USP47: variants seen among roughly 807,000 people sequenced by gnomAD.
USP47 encodes ubiquitin specific peptidase 47.
Under a neutral mutation model 165.1 loss-of-function variants are expected in USP47, and 35 were observed. That is an observed-to-expected ratio of 0.21 (90% CI 0.16 to 0.28). The LOEUF is 0.28. Ranked by LOEUF, USP47 falls within the 10% of genes least tolerant of loss-of-function variation. USP47 has a pLI of 1.00. For synonymous variants in USP47, 531 were observed against 544.5 expected (o/e 0.98, Z 0.35); for missense variants, 1,277 against 1,607.4 (o/e 0.79, Z 3.52).
At chr11:11,894,271 C>T (rs1181735654) in intron 4 of USP47, among the ~76,000 whole-genome samples, 1 of 152,094 alleles carries the variant, frequency 6.6e-6, no homozygotes, top group Non-Finnish European at 1.5e-5. Flanking sequence ...GCCTGGCTAA[C>T]ATGGTGAAAC....
At chr11:11,954,991 C>G (rs1398743393) in intron 26 of USP47, 43 bp from the exon 27 acceptor site, 2 of 1,613,416 alleles carry the variant, frequency 1.2e-6, no homozygotes, top group African/African-American at 2.7e-5. Context: ...ATGATAAACA[C>G]AGCTAGTGGC....
At chr11:11,856,719 C>A (rs981400551) in intron 1 of USP47, 2 of 152,208 alleles carry the variant, frequency 1.3e-5, no homozygotes, top group African/African-American at 4.8e-5. Flanking sequence ...AACTTCTGAT[C>A]TGATTTTCAC....
intron 2 of USP47, among the ~76,000 whole-genome samples, chr11:11,881,309 C>T (rs951245368): frequency 6.6e-6 from 1 of 152,082 alleles, no homozygotes; most frequent in Non-Finnish European, 1.5e-5. Context: ...CAGCACTGTG[C>T]TACCTCTCCG....
At chr11:11,875,033 T>TTGTGTGTGTG (rs57342188) in intron 1 of USP47, among the ~76,000 whole-genome samples, 14 of 95,420 alleles carry the variant, frequency 1.5e-4, no homozygotes, top group South Asian at 6.9e-4. Flanking sequence ...AATTGACTTA[T>TTGTGTGTGTG]TGTGTGTGTG....
At chr11:11,877,799 CTCTCTCTGTGTGTGTGTGTG>C (rs1404937583) in intron 1 of USP47, among the ~76,000 whole-genome samples, 3 of 57,862 alleles carry the variant, frequency 5.2e-5, no homozygotes, top group Admixed American at 2.4e-4. Context: ...TTCTCTCTCT[CTCTCTCTGTGTGTGTGTGTG>C]TGTGTGTGTG....
Position 11,867,498 on chromosome 11 carries a change from G to A in USP47, c.40-12679G>A, listed in dbSNP as rs1475425300. Among the ~76,000 whole-genome samples, 4 of 152,034 alleles carry A rather than the reference G, an allele frequency of 2.6e-5. No individual in the cohort carries two copies. The East Asian group carries it at 7.7e-4, about 29-fold the overall frequency. On this transcript the variant is annotated intron_variant, in intron 1 of 27. Transcript: ENST00000527733. ...TTTTTTCAAATATTTTAAATGTGCT[G>A]TTAAATTTTGTGTTTTTAATTTCTA...
intron 1 of USP47, among the ~76,000 whole-genome samples, chr11:11,848,383 C>CT (rs1306505220): frequency 6.6e-6 from 1 of 152,134 alleles, no homozygotes; most frequent in South Asian, 2.1e-4. Flanking sequence ...CATCATAAGT[C>CT]TTTGTGTGTT....
intron 8 of USP47, among the ~76,000 whole-genome samples, chr11:11,907,910 A>G (rs1180305710): frequency 6.6e-6 from 1 of 152,114 alleles, no homozygotes; most frequent in Non-Finnish European, 1.5e-5. Context: ...AGTCTGACAA[A>G]CATGATGAAA....
chr11:11,888,886 G>A (rs898119548), intron 3 of USP47, among the ~76,000 whole-genome samples: 6 of 152,248 alleles, frequency 3.9e-5, no homozygotes, highest in African/African-American at 1.2e-4. Flanking sequence ...AGGATGCAAG[G>A]TTTGTTCAAC....
chr11:11,857,298 C>G (rs183127398), intron 1 of USP47, among the ~76,000 whole-genome samples: 1 of 152,060 alleles, frequency 6.6e-6, no homozygotes, highest in Admixed American at 6.5e-5. Flanking sequence ...AAGTTTACAC[C>G]AGTTTATATA....
intron 7 of USP47, among the ~76,000 whole-genome samples, chr11:11,903,741 A>G (rs972602265): frequency 3.3e-5 from 5 of 152,216 alleles, no homozygotes; most frequent in East Asian, 1.9e-4. Context: ...ATTTTGACCA[A>G]TGAAATATAG....
chr11:11,903,130 T>C, intron 6 of USP47, 133 bp from the exon 7 acceptor site: 1 of 878,478 alleles, frequency 1.1e-6, no homozygotes, highest in South Asian at 2.3e-5. Context: ...TCATGTATAT[T>C]CTTATGTTCT....
chr11:11,842,433 C>T (rs1848181663), intron 1 of USP47, among the ~76,000 whole-genome samples: 1 of 152,186 alleles, frequency 6.6e-6, no homozygotes, highest in African/African-American at 2.4e-5. Flanking sequence ...GACCTCCCGC[C>T]TCGGGTTTTA....
chr11:11,848,923 T>C (rs918077421), intron 1 of USP47, among the ~76,000 whole-genome samples: 8 of 152,090 alleles, frequency 5.3e-5, no homozygotes, highest in Admixed American at 3.9e-4. Context: ...CTAGCGTTTT[T>C]ATAGTGTTAC....
chr11:11,922,730 C>T lies in USP47; in HGVS notation c.1225C>T (p.Pro409Ser), dbSNP rs762880446. ...ATAATTATGTCTTATTAAGAAATCT[C>T]CTCAGACTGAAAGTTGCACTGACAG... ...TFIDVEDEKS[P>S]QTESCTDSGA... The change falls in exon 11 of 28, where the codon CCT becomes TCT. Residue 409 changes from proline (P) to serine (S), a missense_variant. By Grantham distance (74) the Pro-to-Ser change is moderately conservative. Coordinates refer to ENST00000527733, the MANE Select transcript of USP47 (RefSeq NM_001282659.2). The T allele has an allele frequency of 2.2e-5, 36 of 1,608,046 alleles. No individual in the cohort carries two copies. The highest frequency in any genetic ancestry group is 3.1e-5 in the Non-Finnish European group (36 of 1,176,466).
chr11:11,944,142 C>T lies in USP47; in HGVS notation c.3091+1030C>T, dbSNP rs1296958859. ...CCCACTCTTTATCCATCCAGTCATC[C>T]ACCCATCCAAGTAACATTTTCTAAA... On this transcript the variant is annotated intron_variant, in intron 20 of 27. Transcript: ENST00000527733. 3.3e-5 allele frequency among the ~76,000 whole-genome samples: 5 copies of T among 149,480 alleles called. No individual in the cohort carries two copies. In the Admixed American group the frequency reaches 3.4e-4, roughly 10 times the overall value.
chr11:11,949,363 A>G (rs929952763), intron 22 of USP47, among the ~76,000 whole-genome samples: 2 of 152,136 alleles, frequency 1.3e-5, no homozygotes, highest in Non-Finnish European at 2.9e-5. Flanking sequence ...AACTAGACAA[A>G]TGTGAAAACC....
At chr11:11,872,864 C>T (rs954417505) in intron 1 of USP47, among the ~76,000 whole-genome samples, 1 of 151,956 alleles carries the variant, frequency 6.6e-6, no homozygotes, top group Non-Finnish European at 1.5e-5. Flanking sequence ...GCTTAAATGC[C>T]CATTAATAGC....
chr11:11,907,393 A>G (rs1011004283), intron 8 of USP47, among the ~76,000 whole-genome samples: 2 of 152,210 alleles, frequency 1.3e-5, no homozygotes, highest in Non-Finnish European at 2.9e-5. Context: ...CTTTGCTGGA[A>G]TCTCTTGAGG....
Sources: gnomAD v4.1 joint callset for allele counts (sites outside exome capture counted in the v4.1 genomes callset) on GRCh38, gnomAD v4.1.1 for gene constraint, MANE v1.5 for transcripts, NCBI Gene and HGNC (gene_info 2026-07-23, HGNC 2026-07-21) for gene names.